Variants in SIRT3 observed in about 807,000 individuals in gnomAD.
SIRT3 encodes sirtuin 3.
In SIRT3, 26 loss-of-function variants were observed where a neutral mutation model predicts 33.5. The ratio of observed to expected loss-of-function variants is 0.78; its 90% confidence interval spans 0.57 to 1.08. SIRT3 has a LOEUF of 1.08. SIRT3 is among the 50% of genes least tolerant of loss of function. SIRT3 has a pLI of 0.00. For synonymous variants in SIRT3, 237 were observed against 222.1 expected (o/e 1.07, Z -0.60); for missense variants, 585 against 530.1 (o/e 1.10, Z -1.02).
intron 5 of SIRT3, among the ~76,000 whole-genome samples, chr11:220,191 G>A (rs1487816138): frequency 2.0e-5 from 3 of 151,842 alleles, no homozygotes; most frequent in Non-Finnish European, 4.4e-5. Flanking sequence ...TTAGCTGGGC[G>A]TGGTGGCACG....
chr11:216,704 G>A lies in SIRT3; in HGVS notation c.1194C>T (p.Asp398=), dbSNP rs1327920411. ...QRETGKLDGP[D]K is the part of the protein sequence containing the mutation. ...TGTGGGGGCAGCCATCATCCTATTT[G>A]TCTGGTCCATCAAGCTGGAATACAG... is the stretch of plus-strand genomic sequence containing the variant. Residue 398 remains aspartate (D), a synonymous_variant, in exon 7 of 7, where the codon GAC becomes GAT. Transcript: ENST00000382743. 3 of 1,614,070 alleles carry A rather than the reference G, an allele frequency of 1.9e-6. No homozygotes were observed. The South Asian group carries it at 3.3e-5, about 18-fold the overall frequency.
Position 236,334 on chromosome 11 carries a change from G to C in SIRT3, c.-6C>G, listed in dbSNP as rs1340874718. The C allele has an allele frequency of 6.9e-7, 1 of 1,459,598 alleles. No individual in the cohort carries two copies. The highest frequency in any genetic ancestry group is 9.0e-7 in the Non-Finnish European group (1 of 1,111,726). The allele number at this position is 1,459,598 out of a possible 1,614,324, so 90.4% of individuals were successfully genotyped here. A position where few individuals can be genotyped will look rare whatever the true frequency, so the allele number is the denominator to read the frequency against. ...CGCCAACCCCAGAACGCCATGTTCC[G>C]CGCAGTCCAAGGAGTCCTCCGGACT... On this transcript the variant is annotated 5_prime_UTR_variant, in exon 1 of 7. Coordinates refer to ENST00000382743, the MANE Select transcript of SIRT3 (RefSeq NM_012239.6).
intron 3 of SIRT3, among the ~76,000 whole-genome samples, chr11:231,759 C>T (rs2133924363): frequency 6.6e-6 from 1 of 152,296 alleles, no homozygotes; most frequent in African/African-American, 2.4e-5. Flanking sequence ...GGGGCATCCG[C>T]TGCTGCCTCT....
At chr11:229,092 C>T (rs2133901016) in intron 4 of SIRT3, among the ~76,000 whole-genome samples, 1 of 152,292 alleles carries the variant, frequency 6.6e-6, no homozygotes, top group Non-Finnish European at 1.5e-5. Context: ...AAGATGAAAC[C>T]CTTGCCCACT....
chr11:236,888 C>CGCTGTAACCGAGCAACCAGCGGG (rs1859237803), upstream of SIRT3: 1 of 654,072 alleles, frequency 1.5e-6, no homozygotes. Context: ...CGCAGAGACG[C>CGCTGTAACCGAGCAACCAGCGGG]GCTGTAACCG....
At chr11:218,288 T>C (rs541375478) in intron 6 of SIRT3, among the ~76,000 whole-genome samples, 35 of 152,366 alleles carry the variant, frequency 2.3e-4, no homozygotes, top group Admixed American at 1.3e-3. Flanking sequence ...ATGATTCTTA[T>C]GGGAAACTGC....
In SIRT3 at chr11:236,315, C is replaced by A. The variant is rs1159625887; in HGVS notation, c.14G>T (p.Gly5Val). The A allele has an allele frequency of 5.3e-6, 8 of 1,511,474 alleles. No individual in the cohort carries two copies. The highest frequency in any genetic ancestry group is 2.1e-5 in the Admixed American group (1 of 48,342). The allele number at this position is 1,511,474 out of a possible 1,614,324, so 93.6% of individuals were successfully genotyped here. A position where few individuals can be genotyped will look rare whatever the true frequency, so the allele number is the denominator to read the frequency against. Residue 5 changes from glycine to valine, a missense_variant, in exon 1 of 7, where the codon GGT becomes GTT. Transcript: ENST00000382743. Reference sequence around the variant, plus strand: ...CCGGAGGGCTGCCGCGGCGCGCCAACCCCAGAACGCCATGTTCCGCGCAGT... The same window carrying A: ...CCGGAGGGCTGCCGCGGCGCGCCAAACCCAGAACGCCATGTTCCGCGCAGT... MAFW[G>V]WRAAAALRLW... is the part of the protein sequence containing the mutation.
chr11:227,463 A>G (rs1456578586), intron 4 of SIRT3, among the ~76,000 whole-genome samples: 3 of 151,904 alleles, frequency 2.0e-5, no homozygotes, highest in Non-Finnish European at 4.4e-5. Context: ...CCAAACAACA[A>G]CAACAAAAAT....
chr11:220,456 C>G (rs1209201854), intron 5 of SIRT3, among the ~76,000 whole-genome samples: 2 of 151,250 alleles, frequency 1.3e-5, no homozygotes, highest in Non-Finnish European at 2.9e-5. Flanking sequence ...GAAAAATGGT[C>G]AAGAGGTACA....
intron 5 of SIRT3, among the ~76,000 whole-genome samples, chr11:219,351 C>T (rs1004581289): frequency 3.3e-5 from 5 of 152,168 alleles, no homozygotes; most frequent in African/African-American, 7.2e-5. Context: ...TTTGTGAGCA[C>T]GTTCTGTTCT....
At chr11:232,959 G>A (rs1458657947) in intron 3 of SIRT3, 24 bp downstream of exon 3, 1 of 1,605,872 alleles carries the variant, frequency 6.2e-7, no homozygotes, top group Non-Finnish European at 8.5e-7. Context: ...GAAAAAGAAT[G>A]TGTGCGACTC....
Position 232,347 on chromosome 11 carries a change from G to A in SIRT3, c.706+636C>T, listed in dbSNP as rs192033976. Among the ~76,000 whole-genome samples the A allele has an allele frequency of 1.9e-3, 294 of 152,092 alleles. 1 individual carries two copies. The highest frequency in any genetic ancestry group is 6.4e-3 in the African/African-American group (266 of 41,494). Reference sequence around the variant, plus strand: ...TTGGCCAGGCTGGTCTCGAACTCCCGACCTCAGGTGATCTACCTGCCTCGG... The same window carrying A: ...TTGGCCAGGCTGGTCTCGAACTCCCAACCTCAGGTGATCTACCTGCCTCGG... On this transcript the variant is annotated intron_variant, in intron 3 of 6. Coordinates refer to ENST00000382743, the MANE Select transcript of SIRT3 (RefSeq NM_012239.6).
upstream of SIRT3, chr11:236,789 A>G (rs1859223517): frequency 1.8e-6 from 1 of 543,940 alleles, no homozygotes; most frequent in Non-Finnish European, 3.3e-6. Flanking sequence ...AGCGGGTTCG[A>G]CCACAGGCGC....
chr11:232,886 C>CCCCTGTGAGAAACAGGCACCCGAGCCT, intron 3 of SIRT3, 97 bp downstream of exon 3: 1 of 1,164,648 alleles, frequency 8.6e-7, no homozygotes, highest in African/African-American at 1.5e-5. Context: ...ACCCGAGCAT[C>CCCCTGTGAGAAACAGGCACCCGAGCCT]CCCTGTGAGA....
In SIRT3 at chr11:223,610, C is replaced by T; in HGVS notation, c.969+468G>A. ...GGGAGGCCCTGCCCCTCCACCTCGC[C>T]CCCACACCCCCATCCTTCTCCCTTC... On this transcript the variant is annotated intron_variant, in intron 5 of 6. Transcript: ENST00000382743. This position sits in a 1 kb window ranked among gnomAD's most constrained non-coding sequence, Gnocchi z 4.8. 1 of 457,772 alleles carries T rather than the reference C, an allele frequency of 2.2e-6. No homozygotes were observed. Among genetic ancestry groups the T allele is most frequent in the Non-Finnish European group, 4.1e-6 (1 of 244,926 alleles). 28.4% of individuals were successfully genotyped at this position (457,772 alleles called of 1,614,324 possible).
intron 4 of SIRT3, among the ~76,000 whole-genome samples, chr11:226,855 G>A (rs1489299641): frequency 6.6e-6 from 1 of 150,728 alleles, no homozygotes; most frequent in Non-Finnish European, 1.5e-5. Flanking sequence ...CCTGGTTCAA[G>A]CAATTCGCCT....
At chr11:236,851 G>A, upstream of SIRT3, 3 of 597,148 alleles carry the variant, frequency 5.0e-6, no homozygotes, top group African/African-American at 1.9e-5. Context: ...GAAGTGGGCT[G>A]CAAACGCCGG....
intron 6 of SIRT3, among the ~76,000 whole-genome samples, chr11:218,522 G>A (rs777315701): frequency 1.3e-5 from 2 of 152,178 alleles, no homozygotes; most frequent in African/African-American, 2.4e-5. Context: ...AGGCCTTAGA[G>A]GGACACTGTT....
rs1268015877 is a variant in SIRT3, at chr11:223,129, C to T, written c.969+949G>A. On this transcript the variant is annotated intron_variant, in intron 5 of 6. Coordinates refer to ENST00000382743, the MANE Select transcript of SIRT3 (RefSeq NM_012239.6). The surrounding 1 kb of genome is among the most constrained non-coding windows in gnomAD (Gnocchi z 4.8). ...TTTCTGGCCCTTCTGTCCTCGGTGC[C>T]TACATCCAGTCACGCACACACTGAC... is the stretch of plus-strand genomic sequence containing the variant. 1 of 153,774 alleles carries T rather than the reference C, an allele frequency of 6.5e-6. No individual in the cohort carries two copies. The highest frequency in any genetic ancestry group is 1.4e-5 in the Non-Finnish European group (1 of 69,198). 9.5% of individuals were successfully genotyped at this position (153,774 alleles called of 1,614,324 possible).
Sources: gnomAD v4.1 joint callset for allele counts (sites outside exome capture counted in the v4.1 genomes callset) on GRCh38, gnomAD v4.1.1 for gene constraint, Gnocchi (gnomAD v3.1) non-coding constraint, MANE v1.5 for transcripts, NCBI Gene and HGNC (gene_info 2026-07-23, HGNC 2026-07-21) for gene names.